DLG2: variants seen among roughly 807,000 people sequenced by gnomAD.
DLG2 encodes disks large homolog 2.
A neutral mutation model predicts 132.5 loss-of-function variants in DLG2; 45 were observed. That is an observed-to-expected ratio of 0.34 (90% confidence interval 0.27 to 0.44). The LOEUF (loss-of-function observed/expected upper bound fraction) is 0.44, where lower values mean the gene tolerates loss of function less well. Ranked by LOEUF, DLG2 falls within the 20% of genes least tolerant of loss-of-function variation. DLG2 has a pLI of 1.00. For missense variants in DLG2, 1,045 were observed against 1,196.9 expected, an observed-to-expected ratio of 0.87 and a Z score of 1.87; for synonymous variants, 424 against 419.6, an observed-to-expected ratio of 1.01 and a Z score of -0.13.
intron 14 of DLG2, among the ~76,000 whole-genome samples, chr11:83,961,214 A>T (rs1053323037): frequency 6.6e-6 from 1 of 152,028 alleles, no homozygotes; most frequent in Non-Finnish European, 1.5e-5. Flanking sequence ...TCCCTTGTAC[A>T]GGTGAGAAAA....
chr11:85,339,067 A>AT (rs1200091250), intron 3 of DLG2, among the ~76,000 whole-genome samples: 1 of 152,108 alleles, frequency 6.6e-6, no homozygotes, highest in Admixed American at 6.6e-5. Context: ...ACATCTGTGT[A>AT]TTTTTTAGAT....
intron 9 of DLG2, among the ~76,000 whole-genome samples, chr11:84,149,523 C>T (rs1295049439): frequency 1.3e-5 from 2 of 152,040 alleles, no homozygotes; most frequent in Non-Finnish European, 2.9e-5. Flanking sequence ...GATCAGATGG[C>T]TTTAGGTGTG....
intron 6 of DLG2, among the ~76,000 whole-genome samples, chr11:84,945,766 T>C (rs891304922): frequency 1.3e-5 from 2 of 152,082 alleles, no homozygotes; most frequent in African/African-American, 4.8e-5. Context: ...CTTGCTGGTG[T>C]ATCACTAGGT....
intron 3 of DLG2, among the ~76,000 whole-genome samples, chr11:85,495,222 C>T (rs138137284): frequency 1.3e-4 from 20 of 152,282 alleles, no homozygotes; most frequent in African/African-American, 4.1e-4. Flanking sequence ...AAAATCACTG[C>T]TCTTGAATGT....
intron 18 of DLG2, among the ~76,000 whole-genome samples, chr11:83,735,466 T>C (rs568606444): frequency 4.6e-5 from 7 of 152,298 alleles, no homozygotes; most frequent in African/African-American, 1.7e-4. Context: ...AGTTGTTAAA[T>C]CCTACTATTC....
At chr11:84,781,168 G>A (rs1597982986) in intron 6 of DLG2, among the ~76,000 whole-genome samples, 1 of 151,500 alleles carries the variant, frequency 6.6e-6, no homozygotes, top group Non-Finnish European at 1.5e-5. Context: ...ACAAAACAAG[G>A]TATCTTTTGA....
At chr11:84,482,123 A>T (rs1239875035) in intron 7 of DLG2, among the ~76,000 whole-genome samples, 1 of 152,226 alleles carries the variant, frequency 6.6e-6, no homozygotes, top group East Asian at 1.9e-4. Context: ...ACATTTCTGC[A>T]GGTAATGCAA....
chr11:85,286,050 T>C (rs1349132212), intron 3 of DLG2: 3 of 424,410 alleles, frequency 7.1e-6, no homozygotes, highest in Non-Finnish European at 9.2e-6. Flanking sequence ...ATTACAAATG[T>C]ATAAAATAAC....
chr11:84,589,715 A>C (rs996018941), intron 6 of DLG2, among the ~76,000 whole-genome samples: 6 of 152,204 alleles, frequency 3.9e-5, no homozygotes, highest in Admixed American at 3.3e-4. Context: ...GTTTGCCAGA[A>C]GTTTTGAGGA....
intron 6 of DLG2, among the ~76,000 whole-genome samples, chr11:84,690,498 C>T (rs374462290): frequency 6.6e-6 from 1 of 151,432 alleles, no homozygotes; most frequent in African/African-American, 2.4e-5. Context: ...TCCCTCCATC[C>T]CTTATCCCTT....
chr11:84,596,553 G>T (rs1027461553), intron 6 of DLG2, among the ~76,000 whole-genome samples: 13 of 151,798 alleles, frequency 8.6e-5, no homozygotes, highest in Non-Finnish European at 2.9e-5. Flanking sequence ...AGGAAGAATG[G>T]AATTTCAGTG....
chr11:84,411,559 G>A (rs2098903647), intron 7 of DLG2, among the ~76,000 whole-genome samples: 1 of 144,356 alleles, frequency 6.9e-6, no homozygotes, highest in South Asian at 2.2e-4. Flanking sequence ...GACATCTGTG[G>A]TACTTTTTTT....
chr11:84,416,298 T>C (rs925959056), intron 7 of DLG2, among the ~76,000 whole-genome samples: 1 of 152,214 alleles, frequency 6.6e-6, no homozygotes, highest in Non-Finnish European at 1.5e-5. Flanking sequence ...AAAAAGAAAC[T>C]GAATGTCACA....
chr11:83,687,987 G>A (rs959419133), intron 18 of DLG2, among the ~76,000 whole-genome samples: 1 of 151,544 alleles, frequency 6.6e-6, no homozygotes, highest in African/African-American at 2.4e-5. Flanking sequence ...GTGTTGCCTG[G>A]GTGACAGAGC....
intron 7 of DLG2, among the ~76,000 whole-genome samples, chr11:84,502,262 C>CTTT (rs1396848799): frequency 1.5e-4 from 7 of 47,412 alleles, no homozygotes; most frequent in South Asian, 9.5e-4. Flanking sequence ...TTCCTTCCTT[C>CTTT]CTTCCTTCCT....
At chr11:84,601,391 T>G (rs985451193) in intron 6 of DLG2, among the ~76,000 whole-genome samples, 2 of 152,186 alleles carry the variant, frequency 1.3e-5, no homozygotes, top group Non-Finnish European at 2.9e-5. Context: ...GTACATTTTC[T>G]GGAAAGAAAT....
At chr11:84,661,926 T>G (rs1317406436) in intron 6 of DLG2, among the ~76,000 whole-genome samples, 2 of 152,136 alleles carry the variant, frequency 1.3e-5, no homozygotes, top group African/African-American at 4.8e-5. Flanking sequence ...GAATTAACGG[T>G]AACAAGACAG....
intron 6 of DLG2, among the ~76,000 whole-genome samples, chr11:84,883,929 T>A (rs143836253): frequency 6.6e-6 from 1 of 151,078 alleles, no homozygotes; most frequent in Non-Finnish European, 1.5e-5. Flanking sequence ...AATTGTAAAG[T>A]GAACAGAAAC....
intron 3 of DLG2, among the ~76,000 whole-genome samples, chr11:85,501,019 T>C (rs2093788840): frequency 6.6e-6 from 1 of 152,204 alleles, no homozygotes; most frequent in African/African-American, 2.4e-5. Flanking sequence ...CTTCAACCTT[T>C]ACTACAAGTC....
Sources: allele counts gnomAD v4.1 joint callset (sites outside exome capture counted in the v4.1 genomes callset), GRCh38; gene constraint gnomAD v4.1.1; transcripts MANE v1.5; gene names NCBI Gene and HGNC (gene_info 2026-07-23, HGNC 2026-07-21).